Variants in RBMS1 observed in about 807,000 individuals in gnomAD.
The protein encoded by RBMS1 is RNA binding motif single stranded interacting protein 1, also known as RNA-binding motif, single-stranded-interacting protein 1.
Under a neutral mutation model 62.3 loss-of-function variants are expected in RBMS1, and 17 were observed. That is an observed-to-expected ratio of 0.27 (90% CI 0.19 to 0.41). The LOEUF (loss-of-function observed/expected upper bound fraction) is 0.41. Ranked by LOEUF, RBMS1 falls within the 10% of genes least tolerant of loss-of-function variation. RBMS1 has a pLI of 1.00. For synonymous variants in RBMS1, 172 were observed against 170.0 expected (o/e 1.01, Z -0.09); for missense variants, 334 against 504.5 (o/e 0.66, Z 3.24).
intron 1 of RBMS1, among the ~76,000 whole-genome samples, chr2:160,462,876 G>GGC (rs1192187538): frequency 1.3e-5 from 2 of 151,928 alleles, no homozygotes; most frequent in Non-Finnish European, 2.9e-5. Context: ...GATTACAGGC[G>GGC]TGAGCCACAG....
intron 4 of RBMS1, among the ~76,000 whole-genome samples, chr2:160,303,821 A>G (rs1041521477): frequency 6.6e-5 from 10 of 152,306 alleles, no homozygotes; most frequent in Middle Eastern, 3.4e-3. Flanking sequence ...TTAGGAGTCC[A>G]TTTCAGGCAC....
intron 1 of RBMS1, among the ~76,000 whole-genome samples, chr2:160,380,286 G>A (rs1694213206): frequency 6.6e-6 from 1 of 152,010 alleles, no homozygotes; most frequent in Admixed American, 6.5e-5. Context: ...CCCCACCTAA[G>A]CCAAAGCCAC....
intron 1 of RBMS1, among the ~76,000 whole-genome samples, chr2:160,372,326 C>T (rs1288146257): frequency 6.6e-6 from 1 of 152,050 alleles, no homozygotes; most frequent in Non-Finnish European, 1.5e-5. Flanking sequence ...TCATTCCCAC[C>T]CCTGTTGCCC....
chr2:160,383,976 T>C (rs1333900872), intron 1 of RBMS1, among the ~76,000 whole-genome samples: 1 of 152,200 alleles, frequency 6.6e-6, no homozygotes. Flanking sequence ...GGCAGGCAGA[T>C]CACAAGGTCA....
chr2:160,392,031 T>C (rs1016169687), intron 1 of RBMS1, among the ~76,000 whole-genome samples: 3 of 152,094 alleles, frequency 2.0e-5, no homozygotes, highest in African/African-American at 4.8e-5. Flanking sequence ...ATGTGAAGGA[T>C]GCTTCCCCAA....
chr2:160,412,521 G>A (rs1430091325), intron 1 of RBMS1, among the ~76,000 whole-genome samples: 1 of 152,140 alleles, frequency 6.6e-6, no homozygotes, highest in Non-Finnish European at 1.5e-5. Context: ...ACTCTGTAAC[G>A]CCGCATCTCA....
rs184069727 is a variant in RBMS1, at chr2:160,413,135, C to T, written c.76-45744G>A. Among the ~76,000 whole-genome samples the T allele has an allele frequency of 2.4e-3, 370 of 152,248 alleles. 1 individual carries two copies. Among genetic ancestry groups the T allele is most frequent in the Non-Finnish European group, 4.4e-3 (302 of 68,000 alleles). ...ATTGCTGTTGAACCATTTCAGGCAC[C>T]CATTTTTATTTGGGTGAAATTGAAA... On this transcript the variant is annotated intron_variant, in intron 1 of 13. Transcript: ENST00000348849.
At chr2:160,469,125 AC>A (rs1684813778) in intron 1 of RBMS1, among the ~76,000 whole-genome samples, 1 of 152,220 alleles carries the variant, frequency 6.6e-6, no homozygotes, top group South Asian at 2.1e-4. Context: ...GTAACTGTTT[AC>A]AAGAAAACAC....
intron 2 of RBMS1, among the ~76,000 whole-genome samples, chr2:160,360,921 CAT>C (rs1693094426): frequency 6.6e-6 from 1 of 152,092 alleles, no homozygotes; most frequent in African/African-American, 2.4e-5. Flanking sequence ...GAAAATAAAA[CAT>C]AGGGACAGAA....
intron 1 of RBMS1, among the ~76,000 whole-genome samples, chr2:160,464,216 T>C (rs1452281307): frequency 6.6e-6 from 1 of 152,146 alleles, no homozygotes; most frequent in Non-Finnish European, 1.5e-5. Flanking sequence ...CACCATGACA[T>C]ATCTGTAACT....
intron 1 of RBMS1, among the ~76,000 whole-genome samples, chr2:160,453,089 T>TATGATGATG (rs34689714): frequency 6.5e-5 from 9 of 139,122 alleles, no homozygotes; most frequent in South Asian, 4.4e-4. Context: ...TAACTACTGT[T>TATGATGATG]ATGATGATGA....
chr2:160,489,826 T>C (rs1685748226), intron 1 of RBMS1, among the ~76,000 whole-genome samples: 1 of 152,118 alleles, frequency 6.6e-6, no homozygotes, highest in African/African-American at 2.4e-5. Context: ...CTTAGAACTA[T>C]GTGAATAAAG....
At chr2:160,416,718 C>A (rs542124613) in intron 1 of RBMS1, among the ~76,000 whole-genome samples, 62 of 152,174 alleles carry the variant, frequency 4.1e-4, no homozygotes, top group African/African-American at 1.4e-3. Flanking sequence ...TTATTAAGGG[C>A]CGGTCCTTGT....
At chr2:160,408,573 C>A (rs1476029026) in intron 1 of RBMS1, 1 of 152,182 alleles carries the variant, frequency 6.6e-6, no homozygotes, top group Non-Finnish European at 1.5e-5. Flanking sequence ...GTTTGGTAAA[C>A]CTTTCTCCCT....
intron 1 of RBMS1, among the ~76,000 whole-genome samples, chr2:160,456,963 C>G (rs768521732): frequency 4.1e-5 from 6 of 147,262 alleles, no homozygotes; most frequent in Non-Finnish European, 9.1e-5. Flanking sequence ...CAACAAAAAA[C>G]CTGGCACTTC....
At chr2:160,392,407 G>T (rs1694911032) in intron 1 of RBMS1, among the ~76,000 whole-genome samples, 1 of 150,734 alleles carries the variant, frequency 6.6e-6, no homozygotes, top group East Asian at 1.9e-4. Context: ...GAGTAATTGT[G>T]ACAGAGACCT....
chr2:160,278,870 A>G, intron 10 of RBMS1: 1 of 482,872 alleles, frequency 2.1e-6, no homozygotes, highest in Non-Finnish European at 3.7e-6. Context: ...AGGGGAAATG[A>G]TATCTTGGCA....
intron 1 of RBMS1, among the ~76,000 whole-genome samples, chr2:160,411,578 A>G (rs961658339): frequency 6.6e-6 from 1 of 152,230 alleles, no homozygotes; most frequent in African/African-American, 2.4e-5. Flanking sequence ...GAACAGAATT[A>G]AAGCAGAACC....
chr2:160,310,874 G>A (rs1281063995), intron 4 of RBMS1, among the ~76,000 whole-genome samples: 3 of 151,936 alleles, frequency 2.0e-5, no homozygotes, highest in Admixed American at 6.6e-5. Context: ...ATCTCTACGC[G>A]ATGGACAAAT....
Sources: gnomAD v4.1 joint callset for allele counts (sites outside exome capture counted in the v4.1 genomes callset) on GRCh38, gnomAD v4.1.1 for gene constraint, MANE v1.5 for transcripts, NCBI Gene and HGNC (gene_info 2026-07-23, HGNC 2026-07-21) for gene names.